HERC2: variants seen among roughly 807,000 people sequenced by gnomAD.
HERC2 encodes the protein E3 ubiquitin-protein ligase HERC2.
A neutral mutation model predicts 537.7 loss-of-function variants in HERC2; 102 were observed. That is an observed-to-expected ratio of 0.19 (90% CI 0.16 to 0.22). The LOEUF (loss-of-function observed/expected upper bound fraction) is 0.22, where lower values mean the gene tolerates loss of function less well. HERC2 is among the 10% of genes least tolerant of loss of function. HERC2 has a pLI of 1.00. For synonymous variants in HERC2, 2,224 were observed against 2,466.2 expected (o/e 0.90, Z 2.91); for missense variants, 4,236 against 6,198.2 (o/e 0.68, Z 10.63).
chr15:28,182,567 C>G, intron 56 of HERC2, 55 bp from the exon 57 acceptor site: 1 of 1,317,094 alleles, frequency 7.6e-7, no homozygotes. Flanking sequence ...CAGCATAAAA[C>G]ATTTAAAAAA....
intron 23 of HERC2, 60 bp downstream of exon 23, chr15:28,245,821 G>A: frequency 7.2e-7 from 1 of 1,383,758 alleles, no homozygotes; most frequent in Non-Finnish European, 1.0e-6. Flanking sequence ...TGAAAGGCAA[G>A]AATAGGTTAG....
chr15:28,248,869 C>T, intron 20 of HERC2, 133 bp from the exon 21 acceptor site: 1 of 704,694 alleles, frequency 1.4e-6, no homozygotes, highest in South Asian at 1.9e-5. Context: ...TGGCTTCCCT[C>T]CCCAAGTGTG....
chr15:28,197,271 A>G (rs556982482), intron 50 of HERC2, among the ~76,000 whole-genome samples: 1 of 152,316 alleles, frequency 6.6e-6, no homozygotes, highest in South Asian at 2.1e-4. Context: ...AGAGTTTATA[A>G]AACTATACAC....
intron 9 of HERC2, among the ~76,000 whole-genome samples, chr15:28,271,344 G>A (rs1440131970): frequency 6.6e-6 from 1 of 152,198 alleles, no homozygotes. Context: ...AGGCAGAAGA[G>A]CCCTATTATC....
At chr15:28,262,761 A>G (rs2140937258) in intron 15 of HERC2, among the ~76,000 whole-genome samples, 157 bp downstream of exon 15, 1 of 152,362 alleles carries the variant, frequency 6.6e-6, no homozygotes, top group Middle Eastern at 3.4e-3. Flanking sequence ...CAGGCAGTAA[A>G]AGTTTCTAAT....
chr15:28,229,465 A>G lies in HERC2; in HGVS notation c.5115T>C (p.Asp1705=). The G allele has an allele frequency of 6.2e-7, 1 of 1,613,876 alleles. No individual in the cohort carries two copies. Among genetic ancestry groups the G allele is most frequent in the Non-Finnish European group, 8.5e-7 (1 of 1,179,758 alleles). ...AAAATATGCTAACGTTTTACCCTAT[A>G]TCGATTCCCTCAGGAATAAGTCTTT... ...GWQRLIPEGI[D]IGEPLTDCLK... The change falls in exon 33 of 93, where the codon GAT becomes GAC. Residue 1705 remains aspartate, a synonymous_variant. Transcript: ENST00000261609.
intron 2 of HERC2, among the ~76,000 whole-genome samples, chr15:28,308,316 C>G (rs973066767): frequency 3.3e-5 from 5 of 152,144 alleles, no homozygotes; most frequent in Admixed American, 2.6e-4. Context: ...TGTGTGGCTA[C>G]TATAAATGGG....
intron 83 of HERC2, among the ~76,000 whole-genome samples, chr15:28,125,613 C>A (rs1202255376): frequency 6.6e-6 from 1 of 152,214 alleles, no homozygotes; most frequent in Non-Finnish European, 1.5e-5. Flanking sequence ...ATAGCAATAT[C>A]CCTAACATTC....
Position 28,312,782 on chromosome 15 carries a change from T to C in HERC2, c.72+8580A>G, listed in dbSNP as rs1401892308. ...CCAGTAGATTTTCAACTTTTGACTT[T>C]TTTGGTTCAGATCCCAGAAGCTTCT... On this transcript the variant is annotated intron_variant, in intron 2 of 92. Transcript: ENST00000261609. 7 of 978,578 alleles carry C rather than the reference T, an allele frequency of 7.2e-6. No homozygotes were observed. The South Asian group carries it at 1.9e-4, about 26-fold the overall frequency. The allele number at this position is 978,578 out of a possible 1,614,324, so 60.6% of individuals were successfully genotyped here. A position where few individuals can be genotyped will look rare whatever the true frequency, so the allele number is the denominator to read the frequency against.
chr15:28,238,004 C>G, intron 25 of HERC2, 110 bp downstream of exon 25: 1 of 821,462 alleles, frequency 1.2e-6, no homozygotes, highest in Non-Finnish European at 2.2e-6. Context: ...ATCCCTAATG[C>G]CCCACAAAAG....
rs757244969 is a variant in HERC2 at position 28,214,012 on chromosome 15, C to T, written c.6556-40G>A. ...ACAGCGAGCTCGACAGAGACACTCA[C>T]GGAGCTGCCCAATCCCTACAGGTTC... On this transcript the variant is annotated intron_variant, in intron 41 of 92. Transcript: ENST00000261609. The T allele has an allele frequency of 2.0e-5, 32 of 1,610,042 alleles. No individual in the cohort carries two copies. The Middle Eastern group carries it at 2.5e-3, about 124-fold the overall frequency.
chr15:28,206,871 C>T (rs777280346), intron 44 of HERC2, among the ~76,000 whole-genome samples: 2 of 143,244 alleles, frequency 1.4e-5, no homozygotes, highest in Admixed American at 6.9e-5. Flanking sequence ...ATTAACTGGG[C>T]GTGGTGGTGC....
rs769111415 is a variant in HERC2 at position 28,196,509 on chromosome 15, C to A, written c.8072G>T (p.Gly2691Val). 1 of 1,613,658 alleles carries A rather than the reference C, an allele frequency of 6.2e-7. No homozygotes were observed. Among genetic ancestry groups the A allele is most frequent in the Non-Finnish European group, 8.5e-7 (1 of 1,179,670 alleles). The change falls in exon 51 of 93, where the codon GGG (glycine) becomes GTG (valine). Residue 2691 changes from glycine to valine, a missense_variant. Physicochemically the swap from Gly to Val is moderately radical, Grantham distance 109 (BLOSUM62 -3). Coordinates refer to ENST00000261609, the MANE Select transcript of HERC2 (RefSeq NM_004667.6). ...TACCAACTCCATTTCTGATAGCAAC[C>A]CAGTCCAGTGAGACTGCTGGGGAAA... The part of the protein sequence containing the change: ...VDFPQQSHWT[G>V]LLSEMELVPS...
chr15:28,228,445 A>T, intron 34 of HERC2, 36 bp from the exon 35 acceptor site: 1 of 1,580,742 alleles, frequency 6.3e-7, no homozygotes, highest in Non-Finnish European at 8.7e-7. Flanking sequence ...ATTTCTTGTG[A>T]TGGATACAAG....
At chr15:28,212,325 G>T (rs1201734054) in intron 43 of HERC2, 120 bp downstream of exon 43, 2 of 708,854 alleles carry the variant, frequency 2.8e-6, no homozygotes, top group African/African-American at 3.6e-5. Flanking sequence ...TCAACAAATG[G>T]TGAGCCCACG....
intron 39 of HERC2, among the ~76,000 whole-genome samples, chr15:28,215,356 T>G (rs550461065): frequency 4.9e-4 from 75 of 152,326 alleles, no homozygotes; most frequent in African/African-American, 1.8e-3. Context: ...AGTTTAATTC[T>G]TAAGACAATT....
intron 79 of HERC2, among the ~76,000 whole-genome samples, chr15:28,135,113 G>A (rs549420062): frequency 7.9e-5 from 12 of 152,162 alleles, no homozygotes; most frequent in South Asian, 4.2e-4. Context: ...TCAATTGTGC[G>A]TTCTTTCTTC....
intron 4 of HERC2, 28 bp downstream of exon 4, chr15:28,292,860 T>C: frequency 6.2e-7 from 1 of 1,604,388 alleles, no homozygotes; most frequent in Non-Finnish European, 8.5e-7. Context: ...GATCAACCTT[T>C]CCAAAGTGCC....
chr15:28,178,326 A>G (rs1238124649), intron 59 of HERC2, among the ~76,000 whole-genome samples: 1 of 152,012 alleles, frequency 6.6e-6, no homozygotes, highest in Non-Finnish European at 1.5e-5. Context: ...CCATCTTCCC[A>G]CAAAGGTGGA....
Sources: allele counts gnomAD v4.1 joint callset (sites outside exome capture counted in the v4.1 genomes callset), GRCh38; gene constraint gnomAD v4.1.1; transcripts MANE v1.5; gene names NCBI Gene and HGNC (gene_info 2026-07-23, HGNC 2026-07-21).